The following SLC39A6 variants were observed in gnomAD, a reference collection of about 807,000 sequenced individuals.
SLC39A6 encodes zinc transporter ZIP6.
A neutral mutation model predicts 63.5 loss-of-function variants in SLC39A6; 51 were observed. The ratio of observed to expected loss-of-function variants is 0.80; its 90% CI spans 0.64 to 1.01. The LOEUF (loss-of-function observed/expected upper bound fraction) is 1.01. SLC39A6 is among the 50% of genes least tolerant of loss of function. The pLI is 0.00. For synonymous variants in SLC39A6, 318 were observed against 324.7 expected, an observed-to-expected ratio of 0.98 and a Z score of 0.22; for missense variants, 805 against 927.8, an observed-to-expected ratio of 0.87 and a Z score of 1.72.
At position 36,111,115 on chromosome 18, in the gene SLC39A6, T is replaced by C. The variant is rs1429459885; in HGVS notation, c.2059A>G (p.Met687Val). The C allele has an allele frequency of 3.1e-6, 5 of 1,614,188 alleles. No individual in the cohort carries two copies. Among genetic ancestry groups the C allele is most frequent in the East Asian group, 2.2e-5 (1 of 44,878 alleles). The change falls in exon 9 of 10, where the codon ATG becomes GTG. Residue 687 changes from methionine (M) to valine (V), a missense_variant. Physicochemically the swap from Met to Val is conservative, Grantham distance 21. Coordinates refer to ENST00000269187, the MANE Select transcript of SLC39A6 (RefSeq NM_012319.4). ...CCAGCAGTAAGTGCAAATATCCACATAGAAACATTTTCAGCATAATGACCA... is the reference window on the plus strand; with the variant it reads ...CCAGCAGTAAGTGCAAATATCCACACAGAAACATTTTCAGCATAATGACCA... ...FIGHYAENVS[M>V]WIFALTAGLF...
At position 36,114,189 on chromosome 18, in the gene SLC39A6, C is replaced by T. The variant is rs574183701; in HGVS notation, c.1751G>A (p.Arg584Gln). ...HPHSHSQRYSREELKDAGVAT... is the reference protein window; with the variant it reads ...HPHSHSQRYSQEELKDAGVAT... ...GACGCCGGCATCTTTCAGCTCCTCC[C>T]GAGAGTAGCGCTGGCTGTGACTGTG... The change falls in exon 7 of 10, where the codon CGG becomes CAG. Residue 584 changes from arginine to glutamine, a missense_variant. This residue lies in a region of SLC39A6 where 145 missense variants were observed against 227.2 expected (regional missense o/e 0.64). Coordinates refer to ENST00000269187, the MANE Select transcript of SLC39A6 (RefSeq NM_012319.4). 89 of 1,614,116 alleles carry T rather than the reference C, an allele frequency of 5.5e-5. No homozygotes were observed. In the East Asian group the frequency reaches 1.4e-3, roughly 25 times the overall value.
chr18:36,128,824 T>C (rs763778198), intron 1 of SLC39A6, among the ~76,000 whole-genome samples: 5 of 152,194 alleles, frequency 3.3e-5, no homozygotes, highest in Non-Finnish European at 7.3e-5. Context: ...TAAAAGCTTT[T>C]TATTTCTAAA....
rs9949406 is a variant in SLC39A6, at chr18:36,124,279, C to T, written c.970+241G>A. 9.6e-3 allele frequency among the ~76,000 whole-genome samples: 1,458 copies of T among 151,860 alleles called. 27 individuals are homozygous for T. The highest frequency in any genetic ancestry group is 0.034 in the African/African-American group (1,401 of 41,488). On this transcript the variant is annotated intron_variant, in intron 3 of 9. Coordinates refer to ENST00000269187, the MANE Select transcript of SLC39A6 (RefSeq NM_012319.4). ...TAAAAATCCCAAATTTCAGGTGATC[C>T]TGACACCTTCTTGTAGGATGAACCC... is the stretch of plus-strand genomic sequence containing the variant.
chr18:36,121,044 G>A lies in SLC39A6; in HGVS notation c.1359+1008C>T, dbSNP rs543508971. 7.9e-5 allele frequency among the ~76,000 whole-genome samples: 12 copies of A among 151,954 alleles called. No homozygotes were observed. In the South Asian group the frequency reaches 1.2e-3, roughly 16 times the overall value. ...GAAAAAAAGAAACGATACAGAATAC[G>A]GAACTCCAACTTGAAGAAAATCCTG... is the stretch of plus-strand genomic sequence containing the variant. On this transcript the variant is annotated intron_variant, in intron 5 of 9. Coordinates refer to ENST00000269187, the MANE Select transcript of SLC39A6 (RefSeq NM_012319.4).
intron 7 of SLC39A6, among the ~76,000 whole-genome samples, chr18:36,113,042 T>C (rs2089313305): frequency 6.6e-6 from 1 of 152,196 alleles, no homozygotes; most frequent in Non-Finnish European, 1.5e-5. Context: ...CCGTCCCCTT[T>C]TAAAAATCTG....
In SLC39A6 at chr18:36,116,748, ACAT is replaced by A; in HGVS notation, c.1388_1390del (p.Asp463del). 1 of 1,612,650 alleles carries A rather than the reference ACAT, an allele frequency of 6.2e-7. No individual in the cohort carries two copies. Among genetic ancestry groups the A allele is most frequent in the Non-Finnish European group, 8.5e-7 (1 of 1,179,116 alleles). On this transcript the variant is annotated inframe_deletion, in exon 6 of 10. Transcript: ENST00000269187. Reference sequence around the variant, plus strand: ...CTTGGACAACTGCTTCTTAATCTCCACATCATCATCATTTTCAGGTTTCTTCTG... The same window carrying A: ...CTTGGACAACTGCTTCTTAATCTCCACATCATCATTTTCAGGTTTCTTCTG...
chr18:36,126,069 T>C (rs1282860823), intron 2 of SLC39A6, 150 bp downstream of exon 2: 1 of 776,914 alleles, frequency 1.3e-6, no homozygotes, highest in Non-Finnish European at 2.1e-6. Flanking sequence ...GCATGCTTTG[T>C]GGCAAGTGCC....
At chr18:36,115,310 C>G (rs993076680) in intron 6 of SLC39A6, among the ~76,000 whole-genome samples, 1 of 151,688 alleles carries the variant, frequency 6.6e-6, no homozygotes, top group African/African-American at 2.4e-5. Context: ...GGCATGGTGG[C>G]GGGTGCCTGT....
intron 9 of SLC39A6, among the ~76,000 whole-genome samples, chr18:36,110,081 T>C (rs1052412394): frequency 1.4e-4 from 21 of 152,188 alleles, no homozygotes; most frequent in African/African-American, 4.8e-4. Flanking sequence ...AGTTTGTCTT[T>C]AGTTCAGAGA....
intron 9 of SLC39A6, among the ~76,000 whole-genome samples, chr18:36,110,000 G>A (rs574797615): frequency 2.6e-5 from 4 of 152,224 alleles, no homozygotes; most frequent in African/African-American, 9.6e-5. Flanking sequence ...AGTTTCCACT[G>A]GAAAATGAAA....
At chr18:36,123,903 T>C (rs553206714) in intron 3 of SLC39A6, among the ~76,000 whole-genome samples, 9 of 152,068 alleles carry the variant, frequency 5.9e-5, no homozygotes, top group African/African-American at 4.8e-5. Flanking sequence ...ATAGCTCTAA[T>C]GGGAAATTCT....
chr18:36,123,924 G>A (rs1388573401), intron 3 of SLC39A6, among the ~76,000 whole-genome samples: 1 of 151,946 alleles, frequency 6.6e-6, no homozygotes, highest in Non-Finnish European at 1.5e-5. Flanking sequence ...TCAGGTCGGG[G>A]TGAAAGAGGA....
intron 7 of SLC39A6, among the ~76,000 whole-genome samples, chr18:36,113,019 C>CT (rs1267419048): frequency 6.6e-6 from 1 of 152,138 alleles, no homozygotes; most frequent in Non-Finnish European, 1.5e-5. Flanking sequence ...TGAGAAAACT[C>CT]TAAGACAAAT....
chr18:36,119,171 G>A (rs1424475073), intron 5 of SLC39A6, among the ~76,000 whole-genome samples: 1 of 152,156 alleles, frequency 6.6e-6, no homozygotes, highest in African/African-American at 2.4e-5. Flanking sequence ...AATATAATGA[G>A]TAGTAGTTTT....
In SLC39A6 at chr18:36,122,033, T is replaced by G; in HGVS notation, c.1359+19A>C. ...TAAATATCTGAAGCATAGTAAGTAC[T>G]CGGTATACTTTTTCTTACCTTTTTC... is the stretch of plus-strand genomic sequence containing the variant. On this transcript the variant is annotated intron_variant, in intron 5 of 9. Coordinates refer to ENST00000269187, the MANE Select transcript of SLC39A6 (RefSeq NM_012319.4). 1 of 1,520,478 alleles carries G rather than the reference T, an allele frequency of 6.6e-7. No individual in the cohort carries two copies. The highest frequency in any genetic ancestry group is 2.3e-5 in the East Asian group (1 of 44,414). The allele number at this position is 1,520,478 out of a possible 1,614,324, so 94.2% of individuals were successfully genotyped here.
At chr18:36,110,991 G>C in intron 9 of SLC39A6, 68 bp downstream of exon 9, 1 of 1,585,878 alleles carries the variant, frequency 6.3e-7, no homozygotes, top group Non-Finnish European at 8.6e-7. Flanking sequence ...AAAAAAATGA[G>C]GCTTTACCGA....
At chr18:36,120,905 T>A (rs1401963001) in intron 5 of SLC39A6, among the ~76,000 whole-genome samples, 1 of 152,216 alleles carries the variant, frequency 6.6e-6, no homozygotes, top group Non-Finnish European at 1.5e-5. Context: ...ATTTTTTTTT[T>A]AAATTTCCAA....
Position 36,122,196 on chromosome 18 carries a change from A to C in SLC39A6, c.1215T>G (p.Ser405Arg). ...AMEMKRGPLF[S>R]HLSSQNIEES... ...CTTCTATGTTTTGAGAAGACAGATG[A>C]CTGAAAAGTGGTCCTCTTTTCATTT... is the stretch of plus-strand genomic sequence containing the variant. The change falls in exon 5 of 10, where the codon AGT (serine) becomes AGG (arginine). Residue 405 changes from serine (S) to arginine (R), a missense_variant. By Grantham distance (110) the Ser-to-Arg change is moderately radical (BLOSUM62 -1). Coordinates refer to ENST00000269187, the MANE Select transcript of SLC39A6 (RefSeq NM_012319.4). 5.6e-6 allele frequency: 9 copies of C among 1,614,160 alleles called. No individual in the cohort carries two copies. The highest frequency in any genetic ancestry group is 7.6e-6 in the Non-Finnish European group (9 of 1,179,996).
chr18:36,127,002 C>A lies in SLC39A6; in HGVS notation c.6G>T (p.Ala2=). Reference sequence around the variant, plus strand: ...GGATCAAGATTACAGATAACTTCCTCGCCATTGCGCCTTCCTAGAAAAGAC... The same window carrying A: ...GGATCAAGATTACAGATAACTTCCTAGCCATTGCGCCTTCCTAGAAAAGAC... M[A]RKLSVILILT... Residue 2 remains alanine (A), a synonymous_variant, in exon 2 of 10, where the codon GCG becomes GCT. Transcript: ENST00000269187. 6.3e-7 allele frequency: 1 copy of A among 1,591,212 alleles called. No individual in the cohort carries two copies. Among genetic ancestry groups the A allele is most frequent in the Non-Finnish European group, 8.5e-7 (1 of 1,169,660 alleles).
Sources: gnomAD v4.1 joint callset for allele counts (sites outside exome capture counted in the v4.1 genomes callset) on GRCh38, gnomAD v4.1.1 for gene constraint, gnomAD v4.1.1 regional missense constraint, MANE v1.5 for transcripts, NCBI Gene and HGNC (gene_info 2026-07-23, HGNC 2026-07-21) for gene names.